Variants in PLA2G4A observed in about 807,000 individuals in gnomAD.
PLA2G4A encodes the protein cytosolic phospholipase A2.
In PLA2G4A, 40 loss-of-function variants were observed where a neutral mutation model predicts 81.9. The observed-to-expected ratio is 0.49, with a 90% CI of 0.38 to 0.64. The LOEUF is 0.64. Ranked by LOEUF, PLA2G4A falls within the 30% of genes least tolerant of loss-of-function variation. The probability of loss-of-function intolerance (pLI) is 0.00; values close to 1 mark genes in which losing one functional copy is unlikely to be tolerated. For synonymous variants in PLA2G4A, 302 were observed against 296.9 expected (o/e 1.02, Z -0.18); for missense variants, 715 against 905.1 (o/e 0.79, Z 2.69).
chr1:186,870,643 A>G (rs1653227702), intron 3 of PLA2G4A, 127 bp downstream of exon 3: 5 of 1,242,622 alleles, frequency 4.0e-6, no homozygotes, highest in East Asian at 5.0e-5. Context: ...AGATCTTTGA[A>G]TGATAACATT....
chr1:186,834,080 A>G (rs1651692931), intron 1 of PLA2G4A, among the ~76,000 whole-genome samples: 2 of 152,244 alleles, frequency 1.3e-5, no homozygotes, highest in African/African-American at 4.8e-5. Context: ...GCTTTGAATT[A>G]GTAAACAAAT....
In PLA2G4A at chr1:186,924,504, A is replaced by T. The variant is rs375596251; in HGVS notation, c.559-8259A>T. On this transcript the variant is annotated intron_variant, in intron 7 of 17. Transcript: ENST00000367466. ...TGGTGTTCTTTACCAGCTCTTCTTC[A>T]TCTGAGCGTTCCTTACATATAGTAA... Among the ~76,000 whole-genome samples the T allele has an allele frequency of 2.6e-4, 39 of 152,222 alleles. No homozygotes were observed. In the South Asian group the frequency reaches 7.7e-3, roughly 30 times the overall value.
At chr1:186,847,162 C>A (rs1397268934) in intron 1 of PLA2G4A, among the ~76,000 whole-genome samples, 2 of 151,664 alleles carry the variant, frequency 1.3e-5, no homozygotes, top group African/African-American at 4.8e-5. Flanking sequence ...TATTAACCTA[C>A]CTATTTACTG....
chr1:186,932,294 CTT>C (rs67757094), intron 7 of PLA2G4A, among the ~76,000 whole-genome samples: 66 of 138,538 alleles, frequency 4.8e-4, no homozygotes, highest in East Asian at 2.3e-3. Context: ...TTTTCTTTTT[CTT>C]TTTTTTTTTT....
At chr1:186,839,052 T>G (rs549392607) in intron 1 of PLA2G4A, among the ~76,000 whole-genome samples, 1 of 138,114 alleles carries the variant, frequency 7.2e-6, no homozygotes, top group African/African-American at 3.0e-5. Context: ...TTGACTCATA[T>G]TTCCTCAAAG....
intron 5 of PLA2G4A, among the ~76,000 whole-genome samples, chr1:186,899,608 T>C (rs10911952): frequency 0.27 from 40,864 of 152,056 alleles, 5,904 homozygotes; most frequent in Admixed American, 0.41. Flanking sequence ...GGGATGAGAC[T>C]ATGGCAGAGC....
At chr1:186,857,064 GCCC>G (rs1652580697) in intron 2 of PLA2G4A, among the ~76,000 whole-genome samples, 1 of 28,368 alleles carries the variant, frequency 3.5e-5, no homozygotes, top group Non-Finnish European at 5.4e-5. Context: ...CTGCCATGCA[GCCC>G]CCACATATAT....
At chr1:186,880,502 T>G (rs1183899406) in intron 3 of PLA2G4A, among the ~76,000 whole-genome samples, 1 of 151,936 alleles carries the variant, frequency 6.6e-6, no homozygotes, top group Non-Finnish European at 1.5e-5. Context: ...TCTAGAGACA[T>G]TTTTGTCAAA....
rs149968415 is a variant in PLA2G4A at position 186,898,307 on chromosome 1, T to A, written c.378+4096T>A. Among the ~76,000 whole-genome samples the A allele has an allele frequency of 5.8e-3, 891 of 152,314 alleles. 7 individuals carry two copies. Among genetic ancestry groups the A allele is most frequent in the African/African-American group, 0.02 (846 of 41,566 alleles). On this transcript the variant is annotated intron_variant, in intron 5 of 17. Transcript: ENST00000367466. ...AGTACAATTTTCAAGGAACTAAGAA[T>A]CTGTTTGGAAAGTATACTTTCATGT...
At position 186,896,684 on chromosome 1, in the gene PLA2G4A, C is replaced by G. The variant is rs556807950; in HGVS notation, c.378+2473C>G. On this transcript the variant is annotated intron_variant, in intron 5 of 17. Transcript: ENST00000367466. ...ATGGCTAGATGTGTAATCCCTAGGG[C>G]TCTAAAAAGGCTTTCCACATTCCTG... is the stretch of plus-strand genomic sequence containing the variant. 1.2e-4 allele frequency among the ~76,000 whole-genome samples: 18 copies of G among 152,300 alleles called. No individual in the cohort carries two copies. The South Asian group carries it at 3.5e-3, about 30-fold the overall frequency.
intron 7 of PLA2G4A, among the ~76,000 whole-genome samples, chr1:186,912,783 CTTAT>C (rs1558430287): frequency 3.0e-5 from 3 of 99,378 alleles, no homozygotes; most frequent in African/African-American, 1.9e-4. Context: ...TATATGTATA[CTTAT>C]ATATATATGT....
intron 17 of PLA2G4A, among the ~76,000 whole-genome samples, chr1:186,986,352 G>C (rs1051374058): frequency 1.3e-5 from 2 of 152,268 alleles, no homozygotes; most frequent in South Asian, 2.1e-4. Context: ...AAAGCAAATA[G>C]TTGGTTTTTA....
At chr1:186,881,132 T>C (rs562461987) in intron 3 of PLA2G4A, among the ~76,000 whole-genome samples, 1 of 152,148 alleles carries the variant, frequency 6.6e-6, no homozygotes, top group Non-Finnish European at 1.5e-5. Flanking sequence ...CTGACATCCA[T>C]TTGACTGATG....
Position 186,892,258 on chromosome 1 carries a change from A to AT in PLA2G4A, c.116-745dup, listed in dbSNP as rs1333690922. Among the ~76,000 whole-genome samples, 7 of 151,060 alleles carry AT rather than the reference A, an allele frequency of 4.6e-5. No homozygotes were observed. In the South Asian group the frequency reaches 6.3e-4, roughly 14 times the overall value. ...TGTGGGTTGTCTCTTCATTTTGTTG[A>AT]TTTTTTTTCCTTTGGTGTGCAAAAA... On this transcript the variant is annotated intron_variant, in intron 3 of 17. Coordinates refer to ENST00000367466, the MANE Select transcript of PLA2G4A (RefSeq NM_024420.3).
intron 1 of PLA2G4A, among the ~76,000 whole-genome samples, chr1:186,839,094 T>C (rs1483072981): frequency 1.3e-5 from 2 of 152,204 alleles, no homozygotes; most frequent in African/African-American, 2.4e-5. Context: ...TAAAAATCCA[T>C]TAGCCATCTC....
At chr1:186,959,809 A>G (rs910455394) in intron 14 of PLA2G4A, among the ~76,000 whole-genome samples, 1 of 152,164 alleles carries the variant, frequency 6.6e-6, no homozygotes, top group Non-Finnish European at 1.5e-5. Context: ...TAAAATTCCT[A>G]TTTTAAAGAA....
intron 1 of PLA2G4A, among the ~76,000 whole-genome samples, chr1:186,838,832 G>A (rs1651878799): frequency 6.6e-6 from 1 of 152,096 alleles, no homozygotes; most frequent in Non-Finnish European, 1.5e-5. Flanking sequence ...GTAAAGATGT[G>A]TAAAACATTT....
In PLA2G4A at chr1:186,911,277, C is replaced by T. The variant is rs993044795; in HGVS notation, c.446C>T (p.Ala149Val). 1 of 1,612,178 alleles carries T rather than the reference C, an allele frequency of 6.2e-7. No homozygotes were observed. The highest frequency in any genetic ancestry group is 2.2e-5 in the East Asian group (1 of 44,850). ...TGCCCAGACCTACGATTTAGTATGG[C>T]TCTGTGTGATCAGGAGAAGACTTTC... ...CSCPDLRFSM[A>V]LCDQEKTFRQ... is the part of the protein sequence containing the mutation. The change falls in exon 7 of 18, where the codon GCT (alanine) becomes GTT (valine). Residue 149 changes from alanine to valine, a missense_variant. Ala to Val is a moderately conservative substitution (Grantham distance 64). Transcript: ENST00000367466.
intron 7 of PLA2G4A, among the ~76,000 whole-genome samples, chr1:186,932,235 C>CT (rs1557880099): frequency 2.0e-5 from 3 of 150,966 alleles, no homozygotes; most frequent in East Asian, 1.9e-4. Context: ...TTAATGATAT[C>CT]TTTTTTCTAA....
Sources: allele counts gnomAD v4.1 joint callset (sites outside exome capture counted in the v4.1 genomes callset), GRCh38; gene constraint gnomAD v4.1.1; transcripts MANE v1.5; gene names NCBI Gene and HGNC (gene_info 2026-07-23, HGNC 2026-07-21).